The following FAF1 variants were observed in gnomAD, a reference collection of about 807,000 sequenced individuals.
FAF1 encodes the protein Fas associated factor 1, also known as FAS-associated factor 1.
A neutral mutation model predicts 92.5 loss-of-function variants in FAF1; 25 were observed. The ratio of observed to expected loss-of-function variants is 0.27; its 90% CI spans 0.20 to 0.38. The LOEUF is 0.38. FAF1 is among the 10% of genes least tolerant of loss of function. The pLI is 1.00. For missense variants in FAF1, 636 were observed against 793.3 expected, an observed-to-expected ratio of 0.80 and a Z score of 2.38; for synonymous variants, 234 against 273.2, an observed-to-expected ratio of 0.86 and a Z score of 1.42.
At chr1:50,610,736 G>A (rs967982600) in intron 8 of FAF1, among the ~76,000 whole-genome samples, 17 of 152,110 alleles carry the variant, frequency 1.1e-4, no homozygotes, top group African/African-American at 3.6e-4. Context: ...GAGCCCATGG[G>A]AAGCCACACC....
intron 8 of FAF1, among the ~76,000 whole-genome samples, chr1:50,636,560 T>C (rs1654021352): frequency 6.6e-6 from 1 of 152,060 alleles, no homozygotes; most frequent in South Asian, 2.1e-4. Flanking sequence ...TTCACCATGT[T>C]GGCCAGGCTA....
At chr1:50,607,114 C>A (rs1652464899) in intron 8 of FAF1, among the ~76,000 whole-genome samples, 1 of 152,172 alleles carries the variant, frequency 6.6e-6, no homozygotes, top group South Asian at 2.1e-4. Flanking sequence ...ATTTAACTAG[C>A]CTGTAAGCCA....
rs149845815 is a variant in FAF1 at position 50,947,986 on chromosome 1, C to T, written c.45+11781G>A. ...TGGTTAAGATCCAGACAGTTGTTTCCCCAACAGAGCTGACAGTACGAGAAA... is the reference window on the plus strand; with the variant it reads ...TGGTTAAGATCCAGACAGTTGTTTCTCCAACAGAGCTGACAGTACGAGAAA... On this transcript the variant is annotated intron_variant, in intron 1 of 18. Coordinates refer to ENST00000396153, the MANE Select transcript of FAF1 (RefSeq NM_007051.3). Among the ~76,000 whole-genome samples the T allele has an allele frequency of 3.3e-5, 5 of 151,976 alleles. No homozygotes were observed. The East Asian group carries it at 9.7e-4, about 29-fold the overall frequency.
chr1:50,619,858 C>T (rs1295858700), intron 8 of FAF1, among the ~76,000 whole-genome samples: 1 of 151,434 alleles, frequency 6.6e-6, no homozygotes, highest in Non-Finnish European at 1.5e-5. Flanking sequence ...CTTATTCTCT[C>T]TCCTTCTCTC....
At chr1:50,810,132 G>A (rs758212346) in intron 2 of FAF1, among the ~76,000 whole-genome samples, 3 of 152,194 alleles carry the variant, frequency 2.0e-5, no homozygotes, top group Non-Finnish European at 4.4e-5. Flanking sequence ...GTGCATGCCT[G>A]TAGTCCCAGC....
Position 50,655,672 on chromosome 1 carries a change from A to C in FAF1, c.658-144T>G, listed in dbSNP as rs1655074088. ...TTGAAACTATAAAAACCCAAGTCAA[A>C]AAATTTTGTAAAAAAGAACAAAATC... On this transcript the variant is annotated intron_variant, in intron 7 of 18. Coordinates refer to ENST00000396153, the MANE Select transcript of FAF1 (RefSeq NM_007051.3). 6 of 540,374 alleles carry C rather than the reference A, an allele frequency of 1.1e-5. No homozygotes were observed. The East Asian group carries it at 2.0e-4, about 18-fold the overall frequency. 33.5% of individuals were successfully genotyped at this position (540,374 alleles called of 1,614,324 possible). A position where few individuals can be genotyped will look rare whatever the true frequency, so the allele number is the denominator to read the frequency against.
chr1:50,666,528 G>C (rs186967718), intron 7 of FAF1, among the ~76,000 whole-genome samples: 145 of 152,140 alleles, frequency 9.5e-4, no homozygotes, highest in Non-Finnish European at 1.5e-3. Flanking sequence ...TTTTATAATT[G>C]TAACGTGTAT....
chr1:50,846,715 C>G (rs1644304605), intron 2 of FAF1: 1 of 624,508 alleles, frequency 1.6e-6, no homozygotes, highest in Admixed American at 1.9e-5. Flanking sequence ...AGCACTTCTC[C>G]AAACGTAGAT....
intron 5 of FAF1, among the ~76,000 whole-genome samples, chr1:50,740,411 ACTTATT>A (rs1236507328): frequency 9.9e-5 from 15 of 152,126 alleles, no homozygotes; most frequent in Non-Finnish European, 4.4e-5. Context: ...AACATATGGA[ACTTATT>A]CTTAACCCCT....
chr1:50,845,041 T>C (rs1184765150), intron 2 of FAF1, among the ~76,000 whole-genome samples: 7 of 152,188 alleles, frequency 4.6e-5, no homozygotes, highest in African/African-American at 7.2e-5. Flanking sequence ...CTATCTGTCA[T>C]CCAATATCTC....
chr1:50,442,333 C>A (rs528046528), intron 18 of FAF1, among the ~76,000 whole-genome samples: 2 of 152,292 alleles, frequency 1.3e-5, no homozygotes, highest in East Asian at 3.9e-4. Flanking sequence ...GGAAACGACA[C>A]AGGCTTTGGA....
chr1:50,762,263 C>A lies in FAF1; in HGVS notation c.368-17488G>T, dbSNP rs183677096. Among the ~76,000 whole-genome samples, 736 of 152,258 alleles carry A rather than the reference C, an allele frequency of 4.8e-3. 8 individuals are homozygous for A. The highest frequency in any genetic ancestry group is 0.039 in the South Asian group (190 of 4,818). On this transcript the variant is annotated intron_variant, in intron 4 of 18. Transcript: ENST00000396153. ...CAATATTGTGAAAATGGCCATACTG[C>A]CCAATATAATTTATAGATTCAATGC...
chr1:50,505,241 G>A (rs983390067), intron 15 of FAF1, among the ~76,000 whole-genome samples: 3 of 152,052 alleles, frequency 2.0e-5, no homozygotes, highest in African/African-American at 7.2e-5. Context: ...ACAAGACCTG[G>A]GCTTTTGAAC....
chr1:50,786,832 GT>G (rs1402327155), intron 4 of FAF1, among the ~76,000 whole-genome samples: 1 of 152,172 alleles, frequency 6.6e-6, no homozygotes, highest in Non-Finnish European at 1.5e-5. Context: ...TATAGGCCAT[GT>G]TAAAGATTTG....
chr1:50,879,969 C>T (rs1644598812), intron 1 of FAF1, among the ~76,000 whole-genome samples: 1 of 152,156 alleles, frequency 6.6e-6, no homozygotes, highest in Admixed American at 6.6e-5. Context: ...GAACCAACAA[C>T]AACAACAAAA....
intron 1 of FAF1, among the ~76,000 whole-genome samples, chr1:50,910,591 G>A (rs909378149): frequency 6.6e-6 from 1 of 152,064 alleles, no homozygotes; most frequent in African/African-American, 2.4e-5. Flanking sequence ...AATGGCGGAC[G>A]CCCCTCCCCC....
intron 1 of FAF1, among the ~76,000 whole-genome samples, chr1:50,959,412 A>T (rs1645297430): frequency 6.6e-6 from 1 of 152,000 alleles, no homozygotes; most frequent in Admixed American, 6.6e-5. Context: ...ATCTCTCCCC[A>T]CAGAACCACC....
intron 1 of FAF1, among the ~76,000 whole-genome samples, chr1:50,943,954 C>T (rs1477075299): frequency 1.3e-5 from 2 of 152,188 alleles, no homozygotes; most frequent in African/African-American, 4.8e-5. Context: ...CAAATTGTGT[C>T]GCAGCACAAG....
At chr1:50,657,927 T>G (rs1655198358) in intron 7 of FAF1, among the ~76,000 whole-genome samples, 1 of 152,238 alleles carries the variant, frequency 6.6e-6, no homozygotes, top group African/African-American at 2.4e-5. Flanking sequence ...AGCAAATGGC[T>G]AGTCTACCAT....
Sources: allele counts gnomAD v4.1 joint callset (sites outside exome capture counted in the v4.1 genomes callset), GRCh38; gene constraint gnomAD v4.1.1; transcripts MANE v1.5; gene names NCBI Gene and HGNC (gene_info 2026-07-23, HGNC 2026-07-21).